The following JAG1 variants were observed in gnomAD, a reference collection of about 807,000 sequenced individuals.
JAG1 encodes the protein protein jagged-1.
JAG1 carries 23 observed loss-of-function variants against 148.7 expected under a neutral mutation model. The ratio of observed to expected loss-of-function variants is 0.15; its 90% CI spans 0.11 to 0.22. The LOEUF (loss-of-function observed/expected upper bound fraction) is 0.22, where lower values mean the gene tolerates loss of function less well. Among genes scored for constraint, JAG1 ranks in the 10% least tolerant of loss-of-function variants. The pLI is 1.00. For missense variants in JAG1, 1,054 were observed against 1,611.2 expected, an observed-to-expected ratio of 0.65 and a Z score of 5.92; for synonymous variants, 572 against 598.3, an observed-to-expected ratio of 0.96 and a Z score of 0.64.
chr20:10,661,274 C>T (rs2067415396), intron 3 of JAG1, among the ~76,000 whole-genome samples: 1 of 152,182 alleles, frequency 6.6e-6, no homozygotes, highest in African/African-American at 2.4e-5. Flanking sequence ...TGCCCTAAAA[C>T]TCAGGGCTCT....
chr20:10,658,600 C>G lies in JAG1; in HGVS notation c.562G>C (p.Asp188His). 6.2e-7 allele frequency: 1 copy of G among 1,614,242 alleles called. No individual in the cohort carries two copies. Among genetic ancestry groups the G allele is most frequent in the Non-Finnish European group, 8.5e-7 (1 of 1,180,044 alleles). ...CAGCCAAAGCCATAGTAGTAGTCAT[C>G]ACAGGTCACGCGGATCTGATACTCA... ...HFEYQIRVTC[D>H]DYYYGFGCNK... is the part of the protein sequence containing the mutation. Residue 188 changes from aspartate (D) to histidine (H), a missense_variant, in exon 4 of 26, where the codon GAT becomes CAT. By Grantham distance (81) the Asp-to-His change is moderately conservative. Transcript: ENST00000254958.
chr20:10,651,525 G>C, intron 8 of JAG1, 56 bp downstream of exon 8: 2 of 1,181,182 alleles, frequency 1.7e-6, no homozygotes, highest in Non-Finnish European at 2.5e-6. Context: ...TCTCCCCAGC[G>C]TGGTATCTTG....
chr20:10,673,644 A>G lies in JAG1; in HGVS notation c.-114T>C, dbSNP rs936762876. On this transcript the variant is annotated 5_prime_UTR_variant, in exon 1 of 26. Coordinates refer to ENST00000254958, the MANE Select transcript of JAG1 (RefSeq NM_000214.3). This position sits in a 1 kb window ranked among gnomAD's most constrained non-coding sequence, Gnocchi z 4.7. The stretch of plus-strand genomic sequence containing the variant: ...GCGGCCGCCGCGTCCCGGCTCTAAT[A>G]TACTCCGCCGATTGGAGCATGCACG... 5 of 380,272 alleles carry G rather than the reference A, an allele frequency of 1.3e-5. No individual in the cohort carries two copies. In the East Asian group the frequency reaches 1.8e-4, roughly 14 times the overall value. The allele number at this position is 380,272 out of a possible 1,614,324, so 23.6% of individuals were successfully genotyped here. A position where few individuals can be genotyped will look rare whatever the true frequency, so the allele number is the denominator to read the frequency against.
intron 3 of JAG1, among the ~76,000 whole-genome samples, chr20:10,663,053 A>C (rs938760194): frequency 2.6e-5 from 4 of 151,730 alleles, no homozygotes; most frequent in Non-Finnish European, 2.9e-5. Context: ...CAAGGCAAGG[A>C]AAGATGAAAA....
intron 13 of JAG1, 146 bp downstream of exon 13, chr20:10,647,814 G>A (rs907151362): frequency 1.1e-5 from 10 of 876,594 alleles, no homozygotes; most frequent in African/African-American, 3.3e-5. Flanking sequence ...CACGTGTTGC[G>A]GCCCGCTACA....
chr20:10,646,580 C>G (rs73075346), intron 14 of JAG1, among the ~76,000 whole-genome samples: 20,956 of 150,156 alleles, frequency 0.14, 1,689 homozygotes, highest in Admixed American at 0.17. Context: ...AGTTGGGGGT[C>G]GGGGGGTGGA....
chr20:10,669,700 G>A (rs895790278), intron 2 of JAG1, among the ~76,000 whole-genome samples: 1 of 151,882 alleles, frequency 6.6e-6, no homozygotes, highest in African/African-American at 2.4e-5. Flanking sequence ...TTCACTCTGG[G>A]GCCACCGATG....
intron 4 of JAG1, among the ~76,000 whole-genome samples, chr20:10,656,758 T>G (rs1568800230): frequency 6.6e-6 from 1 of 152,110 alleles, no homozygotes; most frequent in Non-Finnish European, 1.5e-5. Flanking sequence ...CCTGGCTCCT[T>G]GAGCAGAGCT....
At chr20:10,660,114 G>C (rs1053548778) in intron 3 of JAG1, among the ~76,000 whole-genome samples, 1 of 152,122 alleles carries the variant, frequency 6.6e-6, no homozygotes, top group Non-Finnish European at 1.5e-5. Context: ...TCTAGGCCTC[G>C]GGCCAGTGCT....
chr20:10,641,586 G>A lies in JAG1; in HGVS notation c.2790C>T (p.Cys930=), dbSNP rs1298985166. The part of the protein sequence containing the change: ...ILDDQCFVHP[C]TGVGECRSSS... ...AAGACCGACACTCGCCCACACCAGT[G>A]CAGGGGTGGACGAAGCACTGGTCGT... is the stretch of plus-strand genomic sequence containing the variant. The change falls in exon 23 of 26, where the codon TGC becomes TGT. Residue 930 remains cysteine (C), a synonymous_variant. Coordinates refer to ENST00000254958, the MANE Select transcript of JAG1 (RefSeq NM_000214.3). 9 of 1,614,064 alleles carry A rather than the reference G, an allele frequency of 5.6e-6. No individual in the cohort carries two copies. Among genetic ancestry groups the A allele is most frequent in the Non-Finnish European group, 7.6e-6 (9 of 1,179,898 alleles).
chr20:10,645,126 G>T lies in JAG1; in HGVS notation c.2227+17C>A. The T allele has an allele frequency of 6.3e-7, 1 of 1,596,900 alleles. No homozygotes were observed. Among genetic ancestry groups the T allele is most frequent in the Non-Finnish European group, 8.6e-7 (1 of 1,164,316 alleles). Reference sequence around the variant, plus strand: ...TGGCCATGCCCACTGCAGATCCCACGTGGGGCATAAAGTTACCTATGTTAC... The same window carrying T: ...TGGCCATGCCCACTGCAGATCCCACTTGGGGCATAAAGTTACCTATGTTAC... On this transcript the variant is annotated intron_variant, in intron 17 of 25. Coordinates refer to ENST00000254958, the MANE Select transcript of JAG1 (RefSeq NM_000214.3). The surrounding 1 kb of genome is among the most constrained non-coding windows in gnomAD (Gnocchi z 6.1).
chr20:10,667,183 G>A (rs1001256428), intron 2 of JAG1, among the ~76,000 whole-genome samples: 2 of 152,166 alleles, frequency 1.3e-5, no homozygotes, highest in Non-Finnish European at 2.9e-5. Flanking sequence ...CCATCCAAAC[G>A]GCACGCGTGC....
Position 10,644,017 on chromosome 20 carries a change from A to G in JAG1, c.2373-154T>C, listed in dbSNP as rs568017152. ...AAAAGAATACTGATGCCTGGGTCCC[A>G]CCCCCAGAAAGTCTAATTTCACAGG... On this transcript the variant is annotated intron_variant, in intron 19 of 25. Transcript: ENST00000254958. Among the ~76,000 whole-genome samples, 6 of 152,126 alleles carry G rather than the reference A, an allele frequency of 3.9e-5. No homozygotes were observed. In the East Asian group the frequency reaches 1.2e-3, roughly 29 times the overall value.
At chr20:10,656,262 G>A in intron 5 of JAG1, 136 bp downstream of exon 5, 1 of 699,124 alleles carries the variant, frequency 1.4e-6, no homozygotes, top group Non-Finnish European at 2.6e-6. Flanking sequence ...AGCTTCGGAT[G>A]TGTCTATCTG....
chr20:10,646,865 G>A, intron 14 of JAG1, 74 bp downstream of exon 14: 1 of 1,445,166 alleles, frequency 6.9e-7, no homozygotes, highest in Non-Finnish European at 9.7e-7. Context: ...TGATCCCAGG[G>A]TGGGCCAGGG....
chr20:10,638,340 TGAAAA>T lies in JAG1; in HGVS notation c.*1153_*1157del, dbSNP rs1159127781. The T allele has an allele frequency of 6.6e-6, 1 of 152,564 alleles. No individual in the cohort carries two copies. Among genetic ancestry groups the T allele is most frequent in the Admixed American group, 6.5e-5 (1 of 15,282 alleles). 9.5% of individuals were successfully genotyped at this position (152,564 alleles called of 1,614,324 possible). On this transcript the variant is annotated 3_prime_UTR_variant, in exon 26 of 26. Coordinates refer to ENST00000254958, the MANE Select transcript of JAG1 (RefSeq NM_000214.3). ...GTGGTTCAGTATTATGTACGAATGG[TGAAAA>T]GAAATCAGAATTTACAAAGTAAGAT... is the stretch of plus-strand genomic sequence containing the variant.
intron 5 of JAG1, among the ~76,000 whole-genome samples, chr20:10,655,248 C>T (rs1014202411): frequency 1.3e-5 from 2 of 152,134 alleles, no homozygotes; most frequent in African/African-American, 4.8e-5. Flanking sequence ...AAGGAGTAGC[C>T]TCAAAATTTA....
chr20:10,642,128 T>C (rs1300989174), intron 21 of JAG1, among the ~76,000 whole-genome samples: 1 of 152,140 alleles, frequency 6.6e-6, no homozygotes, highest in African/African-American at 2.4e-5. Context: ...TTGACTAGCC[T>C]CTTGCACACC....
chr20:10,648,865 G>C (rs2067326599), intron 11 of JAG1, 143 bp from the exon 12 acceptor site: 6 of 966,286 alleles, frequency 6.2e-6, no homozygotes, highest in Admixed American at 6.0e-5. Flanking sequence ...AAAGTGGTTA[G>C]AGGAATTTCT....
Sources: gnomAD v4.1 joint callset for allele counts (sites outside exome capture counted in the v4.1 genomes callset) on GRCh38, gnomAD v4.1.1 for gene constraint, Gnocchi (gnomAD v3.1) non-coding constraint, MANE v1.5 for transcripts, NCBI Gene and HGNC (gene_info 2026-07-23, HGNC 2026-07-21) for gene names.